The following SYNPO2 variants were observed in gnomAD, a reference collection of about 807,000 sequenced individuals.
SYNPO2 encodes synaptopodin-2.
A neutral mutation model predicts 85.0 loss-of-function variants in SYNPO2; 56 were observed. The ratio of observed to expected loss-of-function variants is 0.66; its 90% confidence interval spans 0.53 to 0.82. The LOEUF (loss-of-function observed/expected upper bound fraction) is 0.82. SYNPO2 is among the 40% of genes least tolerant of loss of function. The pLI is 0.00. For missense variants in SYNPO2, 1,575 were observed against 1,534.2 expected, an observed-to-expected ratio of 1.03 and a Z score of -0.44; for synonymous variants, 602 against 591.1, an observed-to-expected ratio of 1.02 and a Z score of -0.27.
chr4:118,896,342 T>C (rs1334887158), intron 1 of SYNPO2, among the ~76,000 whole-genome samples: 1 of 152,186 alleles, frequency 6.6e-6, no homozygotes, highest in Non-Finnish European at 1.5e-5. Context: ...ATGGAACCAG[T>C]CTGCTTATCA....
chr4:118,916,732 T>TTC (rs1560860823), intron 1 of SYNPO2, among the ~76,000 whole-genome samples: 3 of 144,182 alleles, frequency 2.1e-5, no homozygotes, highest in East Asian at 4.0e-4. Context: ...TTTCTTTCTT[T>TTC]TTTTTTTTTT....
intron 1 of SYNPO2, among the ~76,000 whole-genome samples, chr4:118,909,982 C>T (rs1733080532): frequency 6.6e-6 from 1 of 152,192 alleles, no homozygotes; most frequent in African/African-American, 2.4e-5. Flanking sequence ...AACAGATGAC[C>T]TGAGCATAAT....
At chr4:118,958,606 T>G (rs1023233643) in intron 1 of SYNPO2, among the ~76,000 whole-genome samples, 16 of 146,636 alleles carry the variant, frequency 1.1e-4, no homozygotes, top group African/African-American at 3.7e-4. Context: ...CCATTTCCAG[T>G]GGATGGGATG....
chr4:118,959,287 T>G (rs1356412167), intron 1 of SYNPO2, among the ~76,000 whole-genome samples: 1 of 152,214 alleles, frequency 6.6e-6, no homozygotes, highest in East Asian at 1.9e-4. Flanking sequence ...AAACTTAACT[T>G]TGAACGTTTG....
chr4:118,857,573 A>AT lies in SYNPO2; in HGVS notation c.12+6641dup, dbSNP rs139869323. The stretch of plus-strand genomic sequence containing the variant: ...ATATGGTTCACTGAAACAAGACAGA[A>AT]TTTTTTTTAAAAAAATCAAACCGTA... On this transcript the variant is annotated intron_variant, in intron 1 of 4. Coordinates refer to the SYNPO2 transcript ENST00000610556. Among the ~76,000 whole-genome samples the AT allele has an allele frequency of 4.4e-4, 67 of 152,302 alleles. 1 individual carries two copies. The East Asian group carries it at 0.012, about 27-fold the overall frequency.
intron 1 of SYNPO2, among the ~76,000 whole-genome samples, chr4:118,929,563 T>C (rs1324905328): frequency 6.6e-6 from 1 of 152,184 alleles, no homozygotes; most frequent in Non-Finnish European, 1.5e-5. Flanking sequence ...TTGTACTTCA[T>C]TTATTCTTCA....
intron 1 of SYNPO2, among the ~76,000 whole-genome samples, chr4:118,905,443 C>CGTGT (rs3051210): frequency 0.57 from 86,228 of 150,112 alleles, 26,149 homozygotes; most frequent in East Asian, 0.8. Flanking sequence ...TGTGTGTGTG[C>CGTGT]GTGTGTGTGT....
At chr4:119,000,567 C>A (rs1326801589) in intron 1 of SYNPO2, among the ~76,000 whole-genome samples, 1 of 152,152 alleles carries the variant, frequency 6.6e-6, no homozygotes, top group African/African-American at 2.4e-5. Flanking sequence ...TATAGTTGCT[C>A]ACATTACACA....
At chr4:118,879,134 G>A (rs1474234602) in intron 1 of SYNPO2, among the ~76,000 whole-genome samples, 2 of 152,156 alleles carry the variant, frequency 1.3e-5, no homozygotes, top group Admixed American at 6.5e-5. Context: ...CCAGAAGGAA[G>A]AAACTCCCGA....
chr4:118,889,210 G>A (rs1457266360), intron 1 of SYNPO2, 69 bp downstream of exon 1: 11 of 1,418,692 alleles, frequency 7.8e-6, no homozygotes, highest in Middle Eastern at 1.8e-4. Flanking sequence ...TGCTGATGGT[G>A]TTTTCAGGTT....
Position 119,030,223 on chromosome 4 carries a change from T to C in SYNPO2, c.1448T>C (p.Met483Thr). 6.2e-7 allele frequency: 1 copy of C among 1,613,772 alleles called. No individual in the cohort carries two copies. ...KKLNRGDKME[M>T]LPDTTGKGAL... The stretch of plus-strand genomic sequence containing the variant: ...CTGAACAGAGGGGACAAGATGGAGA[T>C]GTTACCAGACACCACAGGCAAGGGA... The change falls in exon 4 of 5, where the codon ATG becomes ACG. Residue 483 changes from methionine to threonine, a missense_variant. By Grantham distance (81) the Met-to-Thr change is moderately conservative. Around this residue, in one of 3 missense-constraint regions of SYNPO2, gnomAD observed 1,508 missense variants for 1,446.8 expected, o/e 1.04. Transcript: ENST00000307142.
At chr4:118,870,827 C>G (rs1731786644) in intron 1 of SYNPO2, among the ~76,000 whole-genome samples, 1 of 152,158 alleles carries the variant, frequency 6.6e-6, no homozygotes, top group Non-Finnish European at 1.5e-5. Flanking sequence ...GTGCAGCAAA[C>G]CACCATGGCA....
At chr4:118,924,314 A>C (rs1229278186) in intron 1 of SYNPO2, among the ~76,000 whole-genome samples, 1 of 152,234 alleles carries the variant, frequency 6.6e-6, no homozygotes, top group Non-Finnish European at 1.5e-5. Context: ...TCAAATGTTA[A>C]CAGTATATTT....
intron 1 of SYNPO2, among the ~76,000 whole-genome samples, chr4:118,993,697 G>C (rs1353177638): frequency 6.6e-6 from 1 of 152,136 alleles, no homozygotes; most frequent in African/African-American, 2.4e-5. Context: ...CTAGATGTTT[G>C]TATAAGAACC....
chr4:118,980,765 TG>T (rs1735974729), intron 1 of SYNPO2, among the ~76,000 whole-genome samples: 1 of 152,204 alleles, frequency 6.6e-6, no homozygotes, highest in African/African-American at 2.4e-5. Context: ...AAAGTGAACC[TG>T]GTTTAGTTAA....
chr4:118,920,977 G>T (rs2149128240), intron 1 of SYNPO2, among the ~76,000 whole-genome samples: 1 of 151,746 alleles, frequency 6.6e-6, no homozygotes, highest in African/African-American at 2.4e-5. Context: ...AGCTCACTAT[G>T]ATGTCAGACT....
chr4:119,038,897 GT>G (rs34589820), intron 4 of SYNPO2, among the ~76,000 whole-genome samples: 106,121 of 148,234 alleles, frequency 0.72, 38,112 homozygotes, highest in Admixed American at 0.78. Context: ...TTTTCCAGTG[GT>G]TTTTTTTTTT....
At chr4:118,892,167 A>G (rs2149114304) in intron 1 of SYNPO2, among the ~76,000 whole-genome samples, 1 of 152,338 alleles carries the variant, frequency 6.6e-6, no homozygotes, top group South Asian at 2.1e-4. Context: ...CGCAAACCCC[A>G]AATTTTAAAG....
chr4:119,047,049 C>A (rs1738892733), intron 4 of SYNPO2, among the ~76,000 whole-genome samples: 1 of 148,974 alleles, frequency 6.7e-6, no homozygotes, highest in South Asian at 2.1e-4. Flanking sequence ...ATTCATGAAA[C>A]TATTTATTTT....
Sources: allele counts gnomAD v4.1 joint callset (sites outside exome capture counted in the v4.1 genomes callset), GRCh38; gene constraint gnomAD v4.1.1; regional missense constraint gnomAD v4.1.1; transcripts MANE v1.5; gene names NCBI Gene and HGNC (gene_info 2026-07-23, HGNC 2026-07-21).